Variants in TTC34 observed in about 807,000 individuals in gnomAD.
TTC34 encodes tetratricopeptide repeat domain 34.
Under a neutral mutation model 40.7 loss-of-function variants are expected in TTC34, and 44 were observed. The ratio of observed to expected loss-of-function variants is 1.08; its 90% CI spans 0.85 to 1.39. TTC34 has a LOEUF of 1.39. TTC34 is among the 40% of genes most tolerant of loss of function. The probability of loss-of-function intolerance (pLI) is 0.00; values close to 1 mark genes in which losing one functional copy is unlikely to be tolerated. For missense variants in TTC34, 884 were observed against 838.0 expected (o/e 1.05, Z -0.68); for synonymous variants, 422 against 398.6 (o/e 1.06, Z -0.70).
intron 6 of TTC34, among the ~76,000 whole-genome samples, chr1:2,700,024 C>G (rs1484083895): frequency 8.3e-6 from 1 of 120,178 alleles, no homozygotes. Flanking sequence ...CCCAGGTGAG[C>G]ATCTGATAGC....
chr1:2,764,106 G>C (rs1641718256), intron 6 of TTC34, among the ~76,000 whole-genome samples: 1 of 141,296 alleles, frequency 7.1e-6, no homozygotes, highest in African/African-American at 2.7e-5. Flanking sequence ...TCCAACCACA[G>C]GTGAGGATCT....
At chr1:2,700,132 C>T (rs1438860768) in intron 6 of TTC34, among the ~76,000 whole-genome samples, 1 of 112,994 alleles carries the variant, frequency 8.9e-6, no homozygotes, top group Non-Finnish European at 2.1e-5. Context: ...AGCATCCTCA[C>T]CCCAGGTGAG....
intron 6 of TTC34, among the ~76,000 whole-genome samples, chr1:2,692,068 C>G (rs796422523): frequency 4.1e-4 from 23 of 56,782 alleles, no homozygotes; most frequent in Admixed American, 5.5e-4. Flanking sequence ...CCCACACCCC[C>G]AGGTGAACAT....
chr1:2,776,606 C>A (rs1643187621), intron 6 of TTC34: 1 of 31,826 alleles, frequency 3.1e-5, no homozygotes, highest in African/African-American at 2.5e-4. Flanking sequence ...ACCACTGCCC[C>A]CAGGTGAGCA....
chr1:2,748,856 T>C (rs1399841566), intron 6 of TTC34, among the ~76,000 whole-genome samples: 2 of 129,648 alleles, frequency 1.5e-5, no homozygotes, highest in African/African-American at 3.5e-5. Context: ...GGTGAGCATC[T>C]GATGCTTTGG....
intron 6 of TTC34, among the ~76,000 whole-genome samples, chr1:2,781,081 AT>A (rs945302533): frequency 1.3e-5 from 2 of 152,058 alleles, no homozygotes; most frequent in African/African-American, 4.8e-5. Flanking sequence ...TTATATGTGA[AT>A]TTTTTTCAAT....
At chr1:2,753,282 A>G (rs1641387240) in intron 6 of TTC34, among the ~76,000 whole-genome samples, 7 of 128,522 alleles carry the variant, frequency 5.4e-5, no homozygotes, top group Non-Finnish European at 8.0e-5. Context: ...ACAGCCTGGA[A>G]CAGCACCCTG....
intron 6 of TTC34, among the ~76,000 whole-genome samples, chr1:2,688,442 A>ACAC (rs1640474183): frequency 7.0e-6 from 1 of 143,542 alleles, no homozygotes; most frequent in African/African-American, 2.8e-5. Flanking sequence ...CTGGAGCAGG[A>ACAC]CCCACACCCC....
In TTC34 at chr1:2,760,963, C is replaced by A. The variant is rs1412512758; in HGVS notation, c.2226+22646G>T. Among the ~76,000 whole-genome samples the A allele has an allele frequency of 9.3e-5, 6 of 64,686 alleles. 3 individuals are homozygous for A. Among genetic ancestry groups the A allele is most frequent in the African/African-American group, 2.7e-4 (2 of 7,404 alleles). 42.4% of individuals were successfully genotyped at this position (64,686 alleles called of 152,430 possible). ...CTGACAGCCTGGAGCAGCGTCCACA[C>A]CCCCAGGTGAGCATCTGATAGCCTG... On this transcript the variant is annotated intron_variant, in intron 6 of 8. Transcript: ENST00000401095.
intron 6 of TTC34, among the ~76,000 whole-genome samples, chr1:2,654,591 C>A (rs542614142): frequency 3.6e-4 from 54 of 151,916 alleles, no homozygotes; most frequent in African/African-American, 1.3e-3. Flanking sequence ...GAGCATCCGA[C>A]ATCCTGAAAC....
intron 6 of TTC34, among the ~76,000 whole-genome samples, chr1:2,757,320 G>C (rs1319831502): frequency 0.053 from 145 of 2,740 alleles, 1 homozygote; most frequent in East Asian, 0.087. Flanking sequence ...CCCAGGCGAG[G>C]ATCGGACAGC....
chr1:2,639,787 C>G (rs1638865276), exon 9 of TTC34: 1 of 152,324 alleles, frequency 6.6e-6, no homozygotes. Context: ...GGCTGCCCAT[C>G]CCCGAGGTAC....
At chr1:2,686,062 C>A in intron 6 of TTC34, among the ~76,000 whole-genome samples, 1 of 121,842 alleles carries the variant, frequency 8.2e-6, no homozygotes, top group Non-Finnish European at 1.7e-5. Context: ...CATCCGACAG[C>A]CTGGAGAAGC....
chr1:2,752,422 C>T (rs1426262625), intron 6 of TTC34, among the ~76,000 whole-genome samples: 1 of 142,382 alleles, frequency 7.0e-6, no homozygotes, highest in Non-Finnish European at 1.5e-5. Context: ...CCCAGGTGAG[C>T]ATCTGACAGC....
At chr1:2,761,019 T>C (rs1641669876) in intron 6 of TTC34, among the ~76,000 whole-genome samples, 1 of 69,556 alleles carries the variant, frequency 1.4e-5, no homozygotes, top group Non-Finnish European at 2.4e-5. Context: ...GGTGAGCATA[T>C]GACCACCTGG....
In TTC34 at chr1:2,752,572, C is replaced by A. The variant is rs1195299762; in HGVS notation, c.2226+31037G>T. Among the ~76,000 whole-genome samples, 10 of 48,810 alleles carry A rather than the reference C, an allele frequency of 2.0e-4. 1 individual carries two copies. Among genetic ancestry groups the A allele is most frequent in the Non-Finnish European group, 3.6e-4 (10 of 28,096 alleles). The allele number at this position is 48,810 out of a possible 152,430, so 32.0% of individuals were successfully genotyped here. A position where few individuals can be genotyped will look rare whatever the true frequency, so the allele number is the denominator to read the frequency against. On this transcript the variant is annotated intron_variant, in intron 6 of 8. Transcript: ENST00000401095. ...TGACAGCCTGGAACAGCACCTTGCA[C>A]CCCCAGGTGAGAATCTGACAACCTG...
chr1:2,688,198 G>A (rs1640456712), intron 6 of TTC34, among the ~76,000 whole-genome samples: 15 of 113,682 alleles, frequency 1.3e-4, no homozygotes, highest in African/African-American at 5.2e-4. Context: ...GCCTGGAGCA[G>A]CACCCCACAC....
chr1:2,654,972 C>A (rs34405727), intron 6 of TTC34, among the ~76,000 whole-genome samples: 37 of 148,658 alleles, frequency 2.5e-4, no homozygotes, highest in African/African-American at 7.9e-4. Context: ...AGCACCCACA[C>A]CCCCAGGTGA....
chr1:2,642,838 G>T (rs1474803488), intron 8 of TTC34, among the ~76,000 whole-genome samples: 1 of 152,202 alleles, frequency 6.6e-6, no homozygotes, highest in Non-Finnish European at 1.5e-5. Flanking sequence ...AGGGAGCGAG[G>T]GGGTCCCACG....
Sources: gnomAD v4.1 joint callset for allele counts (sites outside exome capture counted in the v4.1 genomes callset) on GRCh38, gnomAD v4.1.1 for gene constraint, MANE v1.5 for transcripts, NCBI Gene and HGNC (gene_info 2026-07-23, HGNC 2026-07-21) for gene names.